Variants in RABEP1 observed in about 807,000 individuals in gnomAD.
RABEP1 encodes rabaptin, RAB GTPase binding effector protein 1, also known as rab GTPase-binding effector protein 1.
RABEP1 carries 51 observed loss-of-function variants against 123.4 expected under a neutral mutation model. The ratio of observed to expected loss-of-function variants is 0.41; its 90% CI spans 0.33 to 0.52. RABEP1 has a LOEUF of 0.52. RABEP1 is among the 20% of genes least tolerant of loss of function. RABEP1 has a pLI of 0.16. For missense variants in RABEP1, 888 were observed against 996.3 expected (o/e 0.89, Z 1.46); for synonymous variants, 347 against 355.2 (o/e 0.98, Z 0.26).
At chr17:5,328,823 C>T (rs112744846) in intron 2 of RABEP1, among the ~76,000 whole-genome samples, 2,601 of 150,820 alleles carry the variant, frequency 0.017, 87 homozygotes, top group African/African-American at 0.057. Flanking sequence ...CAGTGGCAGG[C>T]GCCTGTAATC....
chr17:5,347,353 T>C (rs1254359893), intron 6 of RABEP1, among the ~76,000 whole-genome samples: 1 of 152,132 alleles, frequency 6.6e-6, no homozygotes, highest in Non-Finnish European at 1.5e-5. Flanking sequence ...GAGGTTGCGG[T>C]GAGCCAAGCT....
intron 4 of RABEP1, chr17:5,336,536 C>A (rs1567530583): frequency 2.2e-6 from 1 of 455,096 alleles, no homozygotes; most frequent in Non-Finnish European, 4.3e-6. Flanking sequence ...TCCTTAGATG[C>A]CTCTTGGCTG....
rs1488421514 is a variant in RABEP1 at position 5,338,102 on chromosome 17, G to C, written c.612G>C (p.Glu204Asp). Reference protein sequence around the residue: ...EIAALKDKLTEAEDKIKELEA... With the variant: ...EIAALKDKLTDAEDKIKELEA... ...CAGCTTTGAAGGATAAACTGACAGA[G>C]GCTGAAGACAAAATTAAAGAGCTGG... Residue 204 changes from glutamate to aspartate, a missense_variant, in exon 5 of 18, where the codon GAG (glutamate) becomes GAC (aspartate). Physicochemically the swap from Glu to Asp is conservative, Grantham distance 45 (BLOSUM62 2). Coordinates refer to ENST00000537505, the MANE Select transcript of RABEP1 (RefSeq NM_004703.6). 1 of 1,613,318 alleles carries C rather than the reference G, an allele frequency of 6.2e-7. No homozygotes were observed. Among genetic ancestry groups the C allele is most frequent in the Non-Finnish European group, 8.5e-7 (1 of 1,179,548 alleles).
intron 11 of RABEP1, 106 bp from the exon 12 acceptor site, chr17:5,368,264 A>T (rs1035886882): frequency 2.6e-6 from 2 of 777,352 alleles, no homozygotes; most frequent in Non-Finnish European, 2.1e-6. Flanking sequence ...GTTCCCATGA[A>T]CAAATAAAAT....
Position 5,384,745 on chromosome 17 carries a change from C to T in RABEP1, c.*1522C>T, listed in dbSNP as rs1381021381. On this transcript the variant is annotated 3_prime_UTR_variant, in exon 18 of 18. Coordinates refer to ENST00000537505, the MANE Select transcript of RABEP1 (RefSeq NM_004703.6). ...CCAATTATGGAAATAGTACTAAAGGCTTGCCGCACATGAAACATTATTTTA... is the reference window on the plus strand; with the variant it reads ...CCAATTATGGAAATAGTACTAAAGGTTTGCCGCACATGAAACATTATTTTA... 2.1e-5 allele frequency: 4 copies of T among 193,528 alleles called. No homozygotes were observed. The highest frequency in any genetic ancestry group is 3.0e-5 in the Non-Finnish European group (3 of 100,414). 12.0% of individuals were successfully genotyped at this position (193,528 alleles called of 1,614,324 possible). A position where few individuals can be genotyped will look rare whatever the true frequency, so the allele number is the denominator to read the frequency against.
rs11432831 is a variant in RABEP1, at chr17:5,310,301, C to CTTTTTTTTTTTTTTTTTTTT, written c.163+1497_163+1498insTTTTTTTTTTTTTTTTTTTT. On this transcript the variant is annotated intron_variant, in intron 2 of 17. Transcript: ENST00000537505. ...TTACAATTTAAATGAAAGCTTCGTC[C>CTTTTTTTTTTTTTTTTTTTT]TTTTTTTTTTTTTTTTTTGAGATGG... 8.9e-4 allele frequency among the ~76,000 whole-genome samples: 112 copies of CTTTTTTTTTTTTTTTTTTTT among 126,402 alleles called. 15 individuals are homozygous for CTTTTTTTTTTTTTTTTTTTT. The highest frequency in any genetic ancestry group is 2.1e-3 in the African/African-American group (68 of 32,806). The allele number at this position is 126,402 out of a possible 152,430, so 82.9% of individuals were successfully genotyped here.
intron 2 of RABEP1, among the ~76,000 whole-genome samples, chr17:5,314,900 A>C (rs554234427): frequency 5.3e-5 from 8 of 152,234 alleles, no homozygotes; most frequent in Non-Finnish European, 1.0e-4. Flanking sequence ...GCTTGGCATT[A>C]CAGCAGTGTT....
chr17:5,384,333 A>G lies in RABEP1; in HGVS notation c.*1110A>G. 4.7e-6 allele frequency: 1 copy of G among 212,940 alleles called. No homozygotes were observed. The highest frequency in any genetic ancestry group is 9.5e-6 in the Non-Finnish European group (1 of 105,224). 13.2% of individuals were successfully genotyped at this position (212,940 alleles called of 1,614,324 possible). A position where few individuals can be genotyped will look rare whatever the true frequency, so the allele number is the denominator to read the frequency against. ...ACAGGTCTTTGCCATAACTTTATGA[A>G]GTGCTACAGAAAGCACAAAGAATTG... On this transcript the variant is annotated 3_prime_UTR_variant, in exon 18 of 18. Coordinates refer to ENST00000537505, the MANE Select transcript of RABEP1 (RefSeq NM_004703.6).
At chr17:5,319,023 A>G in intron 2 of RABEP1, among the ~76,000 whole-genome samples, 1 of 152,166 alleles carries the variant, frequency 6.6e-6, no homozygotes, top group East Asian at 1.9e-4. Flanking sequence ...CATATATACA[A>G]TTACTATTTT....
rs1908826364 is a variant in RABEP1, at chr17:5,354,341, T to G, written c.964-18T>G. ...GTAGGTTACTTGGGTCATATATATGTTTTTTTCTTCCTTTTAGGAGGATGA... is the reference window on the plus strand; with the variant it reads ...GTAGGTTACTTGGGTCATATATATGGTTTTTTCTTCCTTTTAGGAGGATGA... On this transcript the variant is annotated intron_variant, in intron 7 of 17. Coordinates refer to ENST00000537505, the MANE Select transcript of RABEP1 (RefSeq NM_004703.6). 1 of 1,596,686 alleles carries G rather than the reference T, an allele frequency of 6.3e-7. No individual in the cohort carries two copies. The highest frequency in any genetic ancestry group is 1.1e-5 in the South Asian group (1 of 87,846).
At chr17:5,351,931 G>T (rs1202211798) in intron 7 of RABEP1, among the ~76,000 whole-genome samples, 1 of 151,988 alleles carries the variant, frequency 6.6e-6, no homozygotes, top group Non-Finnish European at 1.5e-5. Context: ...CGTGTATCTA[G>T]GTGGTCCCCC....
intron 2 of RABEP1, among the ~76,000 whole-genome samples, chr17:5,329,039 T>G (rs1335046433): frequency 4.3e-5 from 6 of 139,040 alleles, no homozygotes; most frequent in Non-Finnish European, 9.5e-5. Context: ...TTTTTTTTTT[T>G]GTCAATTGGA....
chr17:5,337,838 T>C (rs988550016), intron 4 of RABEP1, among the ~76,000 whole-genome samples, 181 bp from the exon 5 acceptor site: 1 of 152,262 alleles, frequency 6.6e-6, no homozygotes, highest in African/African-American at 2.4e-5. Context: ...AACTCAGTTA[T>C]ACCTTGACAT....
intron 2 of RABEP1, among the ~76,000 whole-genome samples, chr17:5,326,755 CTG>C (rs1368721545): frequency 6.6e-6 from 1 of 151,988 alleles, no homozygotes. Context: ...TGGGAAACCT[CTG>C]TATTTTCTGC....
At chr17:5,284,631 T>C (rs1441054722) in intron 1 of RABEP1, among the ~76,000 whole-genome samples, 3 of 152,078 alleles carry the variant, frequency 2.0e-5, no homozygotes, top group Non-Finnish European at 4.4e-5. Flanking sequence ...TATTCCCAGC[T>C]AATTTTTGTA....
intron 11 of RABEP1, among the ~76,000 whole-genome samples, chr17:5,367,247 C>G (rs527267995): frequency 7.0e-6 from 1 of 142,446 alleles, no homozygotes; most frequent in Non-Finnish European, 1.6e-5. Flanking sequence ...AACTTAGATA[C>G]ACACACACAC....
At chr17:5,360,486 C>T (rs1241047379) in intron 8 of RABEP1, among the ~76,000 whole-genome samples, 5 of 152,228 alleles carry the variant, frequency 3.3e-5, no homozygotes, top group African/African-American at 7.2e-5. Context: ...GGCGTGAGCC[C>T]GGGAGGCGGA....
chr17:5,363,432 A>G (rs1276057972), intron 10 of RABEP1, among the ~76,000 whole-genome samples: 2 of 151,726 alleles, frequency 1.3e-5, no homozygotes, highest in East Asian at 3.9e-4. Flanking sequence ...GTTGCCTAGG[A>G]TGGTCTCAAA....
At chr17:5,360,950 G>A in intron 8 of RABEP1, 1 of 470,942 alleles carries the variant, frequency 2.1e-6, no homozygotes, top group Non-Finnish European at 3.8e-6. Context: ...ATAACAGTCT[G>A]CTTACTTATC....
Sources: allele counts gnomAD v4.1 joint callset (sites outside exome capture counted in the v4.1 genomes callset), GRCh38; gene constraint gnomAD v4.1.1; transcripts MANE v1.5; gene names NCBI Gene and HGNC (gene_info 2026-07-23, HGNC 2026-07-21).